The following CDH13 variants were observed in gnomAD, a reference collection of about 807,000 sequenced individuals.
CDH13 encodes the protein cadherin 13, also known as cadherin-13.
A neutral mutation model predicts 63.8 loss-of-function variants in CDH13; 24 were observed. The ratio of observed to expected loss-of-function variants is 0.38; its 90% CI spans 0.27 to 0.53. The LOEUF (loss-of-function observed/expected upper bound fraction) is 0.53. CDH13 is among the 20% of genes least tolerant of loss of function. The pLI is 0.85. For synonymous variants in CDH13, 503 were observed against 355.3 expected (o/e 1.42, Z -4.67); for missense variants, 1,049 against 903.1 (o/e 1.16, Z -2.07).
chr16:83,646,873 C>G (rs542062062), intron 8 of CDH13, among the ~76,000 whole-genome samples: 19 of 151,998 alleles, frequency 1.3e-4, no homozygotes, highest in African/African-American at 3.9e-4. Flanking sequence ...CAAAAGAAGG[C>G]AACTCCCCCC....
chr16:83,454,172 G>A (rs1397105494), intron 6 of CDH13, among the ~76,000 whole-genome samples: 1 of 152,214 alleles, frequency 6.6e-6, no homozygotes, highest in Non-Finnish European at 1.5e-5. Flanking sequence ...ATATTAAGGG[G>A]TGATGACTCA....
intron 3 of CDH13, among the ~76,000 whole-genome samples, chr16:83,116,241 T>C (rs1597365344): frequency 6.6e-6 from 1 of 152,154 alleles, no homozygotes; most frequent in Non-Finnish European, 1.5e-5. Flanking sequence ...GTGTCAGAGG[T>C]TGGCTCCCGG....
Position 83,341,114 on chromosome 16 carries a change from G to A in CDH13, c.637-3748G>A, listed in dbSNP as rs528131539. Among the ~76,000 whole-genome samples the A allele has an allele frequency of 2.0e-5, 3 of 152,268 alleles. No homozygotes were observed. In the South Asian group the frequency reaches 6.2e-4, roughly 32 times the overall value. On this transcript the variant is annotated intron_variant, in intron 5 of 13. Transcript: ENST00000567109. ...TAACATAAAGAACAAGCATCAGAAT[G>A]CCTCCCTTTGAATGCATATGAGGTT...
At chr16:83,184,498 T>C (rs536850737) in intron 4 of CDH13, among the ~76,000 whole-genome samples, 1 of 152,146 alleles carries the variant, frequency 6.6e-6, no homozygotes, top group African/African-American at 2.4e-5. Flanking sequence ...CTCACACCTG[T>C]AATCCCAGCA....
chr16:82,835,352 C>A (rs1041682450), intron 1 of CDH13, among the ~76,000 whole-genome samples: 1 of 152,140 alleles, frequency 6.6e-6, no homozygotes, highest in Non-Finnish European at 1.5e-5. Flanking sequence ...CCGTATAAAT[C>A]TTGGTCTCTT....
chr16:83,728,177 A>G (rs1307756685), intron 10 of CDH13, among the ~76,000 whole-genome samples: 1 of 152,152 alleles, frequency 6.6e-6, no homozygotes, highest in Non-Finnish European at 1.5e-5. Flanking sequence ...TCTCTGTCTC[A>G]GAGTCTATCC....
chr16:82,883,183 C>A (rs150463256), intron 2 of CDH13, among the ~76,000 whole-genome samples: 1 of 152,174 alleles, frequency 6.6e-6, no homozygotes, highest in South Asian at 2.1e-4. Flanking sequence ...CATGCCAGTT[C>A]CGTTGTGGAA....
intron 8 of CDH13, among the ~76,000 whole-genome samples, chr16:83,625,270 T>A (rs1157109492): frequency 2.0e-5 from 3 of 152,266 alleles, no homozygotes; most frequent in Middle Eastern, 3.4e-3. Context: ...ACGGACCCTG[T>A]GTTATCTTTG....
intron 7 of CDH13, among the ~76,000 whole-genome samples, chr16:83,581,008 A>G (rs776617943): frequency 6.6e-6 from 1 of 152,172 alleles, no homozygotes; most frequent in Non-Finnish European, 1.5e-5. Flanking sequence ...TTACCCATAG[A>G]TGGTGCCATT....
At chr16:83,102,213 C>T (rs1252599192) in intron 3 of CDH13, among the ~76,000 whole-genome samples, 1 of 152,210 alleles carries the variant, frequency 6.6e-6, no homozygotes, top group Non-Finnish European at 1.5e-5. Flanking sequence ...GTTCTGATGA[C>T]ACCTTGATTT....
At chr16:83,578,331 C>T (rs2150717144) in intron 7 of CDH13, among the ~76,000 whole-genome samples, 1 of 152,300 alleles carries the variant, frequency 6.6e-6, no homozygotes, top group Non-Finnish European at 1.5e-5. Context: ...ACTTAAGGTT[C>T]CAGGGCACAG....
At position 82,828,646 on chromosome 16, in the gene CDH13, T is replaced by TTGTG. The variant is rs60031294; in HGVS notation, c.46-29700_46-29697dup. ...AAAATAAAAATAAAAATAGATGTGT[T>TTGTG]TGTGTGTGTGTGTGTGTGTATATAT... On this transcript the variant is annotated intron_variant, in intron 1 of 13. Coordinates refer to ENST00000567109, the MANE Select transcript of CDH13 (RefSeq NM_001257.5). 5.9e-3 allele frequency among the ~76,000 whole-genome samples: 849 copies of TTGTG among 142,750 alleles called. 8 individuals carry two copies. The highest frequency in any genetic ancestry group is 0.02 in the African/African-American group (776 of 38,280). The allele number at this position is 142,750 out of a possible 152,430, so 93.6% of individuals were successfully genotyped here.
intron 5 of CDH13, among the ~76,000 whole-genome samples, chr16:83,305,175 C>G (rs961294441): frequency 6.6e-6 from 1 of 152,132 alleles, no homozygotes; most frequent in Non-Finnish European, 1.5e-5. Context: ...GTGGGGCTCT[C>G]CTTGTCTGAG....
chr16:82,635,140 T>C (rs1285337772), intron 1 of CDH13, among the ~76,000 whole-genome samples: 3 of 152,250 alleles, frequency 2.0e-5, no homozygotes, highest in Admixed American at 6.5e-5. Flanking sequence ...AGCTCTGTTG[T>C]GGTCCACATT....
chr16:82,994,774 G>T (rs1230045454), intron 2 of CDH13, among the ~76,000 whole-genome samples: 2 of 152,122 alleles, frequency 1.3e-5, no homozygotes, highest in African/African-American at 2.4e-5. Flanking sequence ...CTGGTTAAGG[G>T]GAACTTTGTC....
At chr16:83,131,803 G>T (rs2036064868) in intron 4 of CDH13, among the ~76,000 whole-genome samples, 1 of 152,154 alleles carries the variant, frequency 6.6e-6, no homozygotes, top group African/African-American at 2.4e-5. Flanking sequence ...TTGGTAGAAT[G>T]GGCATTTAGA....
At chr16:83,075,203 C>G (rs1320119700) in intron 3 of CDH13, among the ~76,000 whole-genome samples, 1 of 152,160 alleles carries the variant, frequency 6.6e-6, no homozygotes, top group Non-Finnish European at 1.5e-5. Flanking sequence ...GTGTCCACAC[C>G]CTGTCTTACT....
intron 6 of CDH13, among the ~76,000 whole-genome samples, chr16:83,411,388 G>A (rs138713463): frequency 1.3e-3 from 203 of 152,164 alleles, no homozygotes; most frequent in African/African-American, 4.4e-3. Context: ...GTATATCACC[G>A]TTGTGTGGTT....
chr16:83,464,945 G>A (rs1371439195), intron 6 of CDH13, among the ~76,000 whole-genome samples: 2 of 152,148 alleles, frequency 1.3e-5, no homozygotes, highest in African/African-American at 2.4e-5. Context: ...ATTTTTTACT[G>A]TATCTAGCAA....
Sources: gnomAD v4.1 joint callset for allele counts (sites outside exome capture counted in the v4.1 genomes callset) on GRCh38, gnomAD v4.1.1 for gene constraint, MANE v1.5 for transcripts, NCBI Gene and HGNC (gene_info 2026-07-23, HGNC 2026-07-21) for gene names.